MEGF11: variants seen among roughly 807,000 people sequenced by gnomAD.
MEGF11 encodes multiple epidermal growth factor-like domains protein 11.
MEGF11 carries 126 observed loss-of-function variants against 146.6 expected under a neutral mutation model. The observed-to-expected ratio is 0.86, with a 90% CI of 0.74 to 1.00. MEGF11 has a LOEUF of 1.00. Ranked by LOEUF, MEGF11 falls within the 50% of genes least tolerant of loss-of-function variation. MEGF11 has a pLI of 0.00. For synonymous variants in MEGF11, 532 were observed against 583.4 expected (o/e 0.91, Z 1.27); for missense variants, 1,509 against 1,521.2 (o/e 0.99, Z 0.13).
rs1395741155 is a variant in MEGF11, at chr15:65,897,393, T to C, written c.*541A>G. 1 of 152,242 alleles carries C rather than the reference T, an allele frequency of 6.6e-6. No homozygotes were observed. The highest frequency in any genetic ancestry group is 1.5e-5 in the Non-Finnish European group (1 of 68,052). The allele number at this position is 152,242 out of a possible 1,614,324, so 9.4% of individuals were successfully genotyped here. The stretch of plus-strand genomic sequence containing the variant: ...ATAGATTCTGTAATCTTGGCTGTTG[T>C]AATTTGATGGACCAGACAGATATGT... On this transcript the variant is annotated 3_prime_UTR_variant, in exon 26 of 26. Transcript: ENST00000395614.
rs150183999 is a variant in MEGF11, at chr15:66,064,095, C to T, written c.394+30307G>A. On this transcript the variant is annotated intron_variant, in intron 5 of 25. Transcript: ENST00000395614. ...GCAACAAAACAAAATACTGGCTGGG[C>T]GCAGTGGCTCACACCTGTAATCCCA... Among the ~76,000 whole-genome samples the T allele has an allele frequency of 3.6e-3, 546 of 152,256 alleles. 1 individual carries two copies. The highest frequency in any genetic ancestry group is 6.5e-3 in the Non-Finnish European group (444 of 68,020).
intron 5 of MEGF11, among the ~76,000 whole-genome samples, chr15:66,010,524 AT>A (rs1315099539): frequency 6.6e-6 from 1 of 152,160 alleles, no homozygotes; most frequent in Non-Finnish European, 1.5e-5. Context: ...AGGTATATGA[AT>A]TTGTGTTGGG....
Position 66,067,677 on chromosome 15 carries a change from A to G in MEGF11, c.394+26725T>C, listed in dbSNP as rs1050671133. On this transcript the variant is annotated intron_variant, in intron 5 of 25. Transcript: ENST00000395614. ...GAGGAATGACATCAAATAGCCTTTT[A>G]TGGCTCCCATAAGCACGCTAACAAA... Among the ~76,000 whole-genome samples the G allele has an allele frequency of 2.0e-5, 3 of 152,166 alleles. No individual in the cohort carries two copies. In the East Asian group the frequency reaches 5.8e-4, roughly 29 times the overall value.
intron 1 of MEGF11, among the ~76,000 whole-genome samples, chr15:66,195,097 G>T (rs2090977348): frequency 6.6e-6 from 1 of 151,926 alleles, no homozygotes; most frequent in Admixed American, 6.6e-5. Flanking sequence ...TATGGGACTG[G>T]TTTCATTCTG....
intron 13 of MEGF11, 66 bp downstream of exon 13, chr15:65,928,359 G>T: frequency 9.2e-7 from 1 of 1,081,358 alleles, no homozygotes; most frequent in Non-Finnish European, 1.3e-6. Flanking sequence ...AAACGGTCAA[G>T]AGAAGTAGGA....
intron 5 of MEGF11, among the ~76,000 whole-genome samples, chr15:66,019,054 G>A (rs912480674): frequency 1.3e-5 from 2 of 152,204 alleles, no homozygotes; most frequent in South Asian, 4.1e-4. Flanking sequence ...AGGCCTGTGG[G>A]ACTCTCCCTG....
At chr15:65,986,248 A>G (rs188401698) in intron 5 of MEGF11, among the ~76,000 whole-genome samples, 2 of 152,120 alleles carry the variant, frequency 1.3e-5, no homozygotes, top group East Asian at 3.8e-4. Context: ...CAATGTCTGC[A>G]TGTTTTATGG....
intron 4 of MEGF11, among the ~76,000 whole-genome samples, chr15:66,107,061 C>CCCG (rs1555471311): frequency 2.3e-5 from 2 of 88,474 alleles, no homozygotes; most frequent in South Asian, 3.0e-4. Flanking sequence ...CCTACCCCCC[C>CCCG]ACCAGGTATA....
intron 1 of MEGF11, among the ~76,000 whole-genome samples, chr15:66,156,473 G>T (rs1362206440): frequency 6.6e-6 from 1 of 152,124 alleles, no homozygotes; most frequent in Non-Finnish European, 1.5e-5. Context: ...TCCCAGGCCT[G>T]TTCTTAAAGA....
Position 66,190,014 on chromosome 15 carries a change from T to C in MEGF11, c.-8-61603A>G, listed in dbSNP as rs186821403. Among the ~76,000 whole-genome samples the C allele has an allele frequency of 2.6e-5, 4 of 152,212 alleles. No individual in the cohort carries two copies. In the East Asian group the frequency reaches 7.7e-4, roughly 29 times the overall value. On this transcript the variant is annotated intron_variant, in intron 1 of 25. Coordinates refer to ENST00000395614, the MANE Select transcript of MEGF11 (RefSeq NM_001385028.1). Reference sequence around the variant, plus strand: ...AAATTGTATAAAGCCCAGTGACCTGTCAAGCCAGTAGTTCTCAAATGGGCT... The same window carrying C: ...AAATTGTATAAAGCCCAGTGACCTGCCAAGCCAGTAGTTCTCAAATGGGCT...
At chr15:65,970,763 C>T in intron 7 of MEGF11, 74 bp from the exon 8 acceptor site, 3 of 1,511,070 alleles carry the variant, frequency 2.0e-6, no homozygotes, top group Non-Finnish European at 8.9e-7. Context: ...GGCACACCTG[C>T]TGTGGCTCCA....
At chr15:66,006,168 T>C (rs562656685) in intron 5 of MEGF11, among the ~76,000 whole-genome samples, 1 of 152,272 alleles carries the variant, frequency 6.6e-6, no homozygotes, top group East Asian at 1.9e-4. Context: ...CTATTTGTTG[T>C]TGCTGTGAAG....
In MEGF11 at chr15:66,056,533, T is replaced by C. The variant is rs2084681201; in HGVS notation, c.394+37869A>G. 5.3e-5 allele frequency among the ~76,000 whole-genome samples: 8 copies of C among 152,292 alleles called. No individual in the cohort carries two copies. The South Asian group carries it at 1.7e-3, about 32-fold the overall frequency. Reference sequence around the variant, plus strand: ...CTTAGCCTGCCCCCGATCTTCAGCATTGGGCCTACAACTCGTAATTCAGGC... The same window carrying C: ...CTTAGCCTGCCCCCGATCTTCAGCACTGGGCCTACAACTCGTAATTCAGGC... On this transcript the variant is annotated intron_variant, in intron 5 of 25. Coordinates refer to ENST00000395614, the MANE Select transcript of MEGF11 (RefSeq NM_001385028.1).
chr15:65,900,525 A>T (rs971977934), intron 24 of MEGF11, among the ~76,000 whole-genome samples: 1 of 152,214 alleles, frequency 6.6e-6, no homozygotes, highest in African/African-American at 2.4e-5. Flanking sequence ...AGCAGATAGT[A>T]TTTCCTCAAT....
chr15:66,004,205 G>A (rs1448588373), intron 5 of MEGF11, among the ~76,000 whole-genome samples: 1 of 152,124 alleles, frequency 6.6e-6, no homozygotes, highest in African/African-American at 2.4e-5. Flanking sequence ...AAGTGCTTAG[G>A]ATCACCCCTG....
At chr15:65,995,607 G>C (rs1809772171) in intron 5 of MEGF11, among the ~76,000 whole-genome samples, 1 of 152,224 alleles carries the variant, frequency 6.6e-6, no homozygotes, top group African/African-American at 2.4e-5. Flanking sequence ...GAGAGCTGAA[G>C]AGCCCATCAA....
At chr15:66,007,745 C>A (rs745711633) in intron 5 of MEGF11, among the ~76,000 whole-genome samples, 3 of 151,626 alleles carry the variant, frequency 2.0e-5, no homozygotes, top group Non-Finnish European at 4.4e-5. Flanking sequence ...GAGGTGGACC[C>A]TGTCTCAAGA....
At chr15:66,172,475 G>C (rs1019730445) in intron 1 of MEGF11, among the ~76,000 whole-genome samples, 2 of 152,216 alleles carry the variant, frequency 1.3e-5, no homozygotes, top group African/African-American at 4.8e-5. Flanking sequence ...CAGATCGGAG[G>C]GAGGGGCGTG....
intron 15 of MEGF11, 116 bp from the exon 16 acceptor site, chr15:65,918,210 G>A (rs2079066102): frequency 6.9e-7 from 1 of 1,458,610 alleles, no homozygotes; most frequent in Admixed American, 1.9e-5. Flanking sequence ...AGGGGTCATG[G>A]ATCTGGATGG....
Sources: gnomAD v4.1 joint callset for allele counts (sites outside exome capture counted in the v4.1 genomes callset) on GRCh38, gnomAD v4.1.1 for gene constraint, MANE v1.5 for transcripts, NCBI Gene and HGNC (gene_info 2026-07-23, HGNC 2026-07-21) for gene names.